ENOX1: variants seen among roughly 807,000 people sequenced by gnomAD.
ENOX1 encodes the protein candidate growth-related and time keeping constitutive hydroquinone (NADH) oxidase.
In ENOX1, 42 loss-of-function variants were observed where a neutral mutation model predicts 82.5. The ratio of observed to expected loss-of-function variants is 0.51; its 90% CI spans 0.40 to 0.66. ENOX1 has a LOEUF of 0.66. ENOX1 is among the 30% of genes least tolerant of loss of function. ENOX1 has a pLI of 0.00. For missense variants in ENOX1, 608 were observed against 811.6 expected, an observed-to-expected ratio of 0.75 and a Z score of 3.05; for synonymous variants, 271 against 282.2, an observed-to-expected ratio of 0.96 and a Z score of 0.40.
At chr13:43,634,519 C>T (rs2153752131) in intron 2 of ENOX1, among the ~76,000 whole-genome samples, 1 of 152,294 alleles carries the variant, frequency 6.6e-6, no homozygotes, top group South Asian at 2.1e-4. Context: ...AGAGAAGGAG[C>T]TCTGCAACAA....
intron 2 of ENOX1, among the ~76,000 whole-genome samples, chr13:43,561,961 C>T (rs1403755829): frequency 2.1e-5 from 3 of 142,076 alleles, no homozygotes; most frequent in Non-Finnish European, 4.6e-5. Flanking sequence ...AGAATGAGAC[C>T]CTGTCAAAAA....
intron 3 of ENOX1, among the ~76,000 whole-genome samples, chr13:43,460,935 G>T (rs537534374): frequency 6.7e-5 from 10 of 149,544 alleles, no homozygotes; most frequent in African/African-American, 2.2e-4. Context: ...CTGCAATTTT[G>T]ATCCTATTAG....
At chr13:43,348,676 G>A (rs1370287013) in intron 8 of ENOX1, among the ~76,000 whole-genome samples, 1 of 152,156 alleles carries the variant, frequency 6.6e-6, no homozygotes, top group East Asian at 1.9e-4. Context: ...CTACCTCCCT[G>A]TGAATCACTT....
intron 5 of ENOX1, among the ~76,000 whole-genome samples, chr13:43,406,366 G>A (rs1413395454): frequency 6.6e-6 from 1 of 152,102 alleles, no homozygotes; most frequent in African/African-American, 2.4e-5. Flanking sequence ...AAACAGCAAG[G>A]TATGAGCCAA....
chr13:43,422,466 T>G (rs1252168970), intron 3 of ENOX1, among the ~76,000 whole-genome samples: 1 of 152,190 alleles, frequency 6.6e-6, no homozygotes, highest in East Asian at 1.9e-4. Context: ...AAACATGAAA[T>G]TCCATTATTG....
intron 15 of ENOX1, among the ~76,000 whole-genome samples, chr13:43,227,186 G>A (rs2042065758): frequency 6.6e-6 from 1 of 152,232 alleles, no homozygotes; most frequent in African/African-American, 2.4e-5. Context: ...GTTGACATGG[G>A]TCATTTAGGG....
At chr13:43,712,283 C>G (rs1206655780) in intron 1 of ENOX1, among the ~76,000 whole-genome samples, 1 of 148,850 alleles carries the variant, frequency 6.7e-6, no homozygotes, top group African/African-American at 2.4e-5. Context: ...TGATCTATAT[C>G]TCTGTTTTGG....
At chr13:43,297,037 T>C (rs1018774945) in intron 12 of ENOX1, among the ~76,000 whole-genome samples, 1 of 152,222 alleles carries the variant, frequency 6.6e-6, no homozygotes, top group Non-Finnish European at 1.5e-5. Flanking sequence ...GTAATGACAT[T>C]TTCCTGGCTG....
rs201797108 is a variant in ENOX1 at position 43,609,918 on chromosome 13, A to G, written c.-219+57561T>C. The G allele has an allele frequency of 1.0e-5, 10 of 981,826 alleles. No homozygotes were observed. In the East Asian group the frequency reaches 7.9e-4, roughly 78 times the overall value. The allele number at this position is 981,826 out of a possible 1,614,324, so 60.8% of individuals were successfully genotyped here. A position where few individuals can be genotyped will look rare whatever the true frequency, so the allele number is the denominator to read the frequency against. ...TAAGAAATTTTTCCATCTTCTGTCCATCTGGAGAAGAGCAAGATAAATTAA... is the reference window on the plus strand; with the variant it reads ...TAAGAAATTTTTCCATCTTCTGTCCGTCTGGAGAAGAGCAAGATAAATTAA... On this transcript the variant is annotated intron_variant, in intron 2 of 16. Coordinates refer to ENST00000690772, the MANE Select transcript of ENOX1 (RefSeq NM_001347969.2).
intron 2 of ENOX1, among the ~76,000 whole-genome samples, chr13:43,617,637 G>A (rs2082540368): frequency 6.6e-6 from 1 of 152,112 alleles, no homozygotes; most frequent in Non-Finnish European, 1.5e-5. Context: ...ACAGGTATTT[G>A]GGCTGGTTCC....
rs1566329591 is a variant in ENOX1, at chr13:43,247,863, ATATATATATATATATATATATT to A, written c.1612-11147_1612-11126del. 9.7e-3 allele frequency among the ~76,000 whole-genome samples: 18 copies of A among 1,848 alleles called. 2 individuals are homozygous for A. Among genetic ancestry groups the A allele is most frequent in the African/African-American group, 0.03 (17 of 560 alleles). 1.2% of individuals were successfully genotyped at this position (1,848 alleles called of 152,430 possible). A position where few individuals can be genotyped will look rare whatever the true frequency, so the allele number is the denominator to read the frequency against. ...TATATATATATATATATATATATATATATATATATATATATATATATTTTTTTTTTTTTTTTTTTTGAGACGG... is the reference window on the plus strand; with the variant it reads ...TATATATATATATATATATATATATATTTTTTTTTTTTTTTTTTGAGACGG... On this transcript the variant is annotated intron_variant, in intron 14 of 16. Transcript: ENST00000690772.
chr13:43,419,172 G>T (rs2054823178), intron 3 of ENOX1, among the ~76,000 whole-genome samples: 1 of 152,062 alleles, frequency 6.6e-6, no homozygotes, highest in African/African-American at 2.4e-5. Context: ...ACAAAACACA[G>T]ATTCCTGTTA....
rs1467332166 is a variant in ENOX1, at chr13:43,673,211, T to C, written c.-284-5667A>G. On this transcript the variant is annotated intron_variant, in intron 1 of 16. Transcript: ENST00000690772. Reference sequence around the variant, plus strand: ...TATATATACATGTTCGATTCTCATATGATTTCCAAATTAGAACTCAAGTTC... The same window carrying C: ...TATATATACATGTTCGATTCTCATACGATTTCCAAATTAGAACTCAAGTTC... Among the ~76,000 whole-genome samples the C allele has an allele frequency of 2.0e-5, 3 of 152,086 alleles. No individual in the cohort carries two copies. In the East Asian group the frequency reaches 5.8e-4, roughly 29 times the overall value.
chr13:43,368,348 G>A (rs1382602335), intron 5 of ENOX1, among the ~76,000 whole-genome samples: 1 of 152,204 alleles, frequency 6.6e-6, no homozygotes, highest in African/African-American at 2.4e-5. Context: ...GGAGATTTGT[G>A]TCCATGTTTG....
intron 2 of ENOX1, among the ~76,000 whole-genome samples, chr13:43,576,908 G>T (rs927323938): frequency 6.6e-6 from 1 of 152,106 alleles, no homozygotes; most frequent in African/African-American, 2.4e-5. Context: ...AAATACTGTG[G>T]ATTAAAGAAA....
At chr13:43,489,141 C>A (rs1235814016) in intron 2 of ENOX1, among the ~76,000 whole-genome samples, 1 of 152,176 alleles carries the variant, frequency 6.6e-6, no homozygotes, top group South Asian at 2.1e-4. Context: ...GCACCAATGG[C>A]TCTAAACACA....
At chr13:43,652,850 C>T (rs902940955) in intron 2 of ENOX1, among the ~76,000 whole-genome samples, 2 of 152,178 alleles carry the variant, frequency 1.3e-5, no homozygotes, top group Non-Finnish European at 2.9e-5. Context: ...AAAGACAAAA[C>T]CAGGAGGTGG....
intron 2 of ENOX1, among the ~76,000 whole-genome samples, chr13:43,658,690 T>C (rs2084564747): frequency 6.6e-6 from 1 of 152,198 alleles, no homozygotes; most frequent in Non-Finnish European, 1.5e-5. Context: ...CTCTCCTGAA[T>C]CCCTCTACCT....
Position 43,711,806 on chromosome 13 carries a change from A to G in ENOX1, c.-284-44262T>C, listed in dbSNP as rs992169778. On this transcript the variant is annotated intron_variant, in intron 1 of 16. Transcript: ENST00000690772. ...TTGTAAATTTGTTGGAGTTCATTGT[A>G]GATTCTGGATATTAGCCCTTTGTCA... Among the ~76,000 whole-genome samples the G allele has an allele frequency of 9.9e-5, 15 of 151,050 alleles. No individual in the cohort carries two copies. In the Middle Eastern group the frequency reaches 0.02, roughly 206 times the overall value.
Sources: gnomAD v4.1 joint callset for allele counts (sites outside exome capture counted in the v4.1 genomes callset) on GRCh38, gnomAD v4.1.1 for gene constraint, MANE v1.5 for transcripts, NCBI Gene and HGNC (gene_info 2026-07-23, HGNC 2026-07-21) for gene names.